IQUB: variants seen among roughly 807,000 people sequenced by gnomAD.
IQUB encodes IQ motif and ubiquitin domain containing.
IQUB carries 86 observed loss-of-function variants against 86.4 expected under a neutral mutation model. That is an observed-to-expected ratio of 1.00 (90% CI 0.84 to 1.19). IQUB has a LOEUF of 1.19. IQUB is among the 50% of genes most tolerant of loss of function. The pLI, the probability that IQUB is intolerant of heterozygous loss-of-function variation, is 0.00. For missense variants in IQUB, 946 were observed against 916.9 expected, an observed-to-expected ratio of 1.03 and a Z score of -0.41; for synonymous variants, 289 against 304.5, an observed-to-expected ratio of 0.95 and a Z score of 0.53.
At chr7:123,483,881 A>C (rs753946800) in intron 7 of IQUB, among the ~76,000 whole-genome samples, 15 of 152,090 alleles carry the variant, frequency 9.9e-5, no homozygotes, top group Non-Finnish European at 1.8e-4. Flanking sequence ...AAGTTTTAGG[A>C]CTAATTCATA....
At position 123,452,902 on chromosome 7, in the gene IQUB, G is replaced by C. The variant is rs577097405; in HGVS notation, c.2217C>G (p.His739Gln). The C allele has an allele frequency of 5.0e-6, 8 of 1,611,690 alleles. No individual in the cohort carries two copies. The East Asian group carries it at 8.9e-5, about 18-fold the overall frequency. Residue 739 changes from histidine to glutamine, a missense_variant, in exon 13 of 13, where the codon CAC (histidine) becomes CAG (glutamine). Physicochemically the swap from His to Gln is conservative, Grantham distance 24 (BLOSUM62 0). Transcript: ENST00000324698. ...IEEGYERSFIHKIKHKHILAK... is the reference protein window; with the variant it reads ...IEEGYERSFIQKIKHKHILAK... ...CCAGGATATGTTTGTGTTTGATCTTGTGAATAAATGAGCGTTCATATCCCT... is the reference window on the plus strand; with the variant it reads ...CCAGGATATGTTTGTGTTTGATCTTCTGAATAAATGAGCGTTCATATCCCT...
intron 1 of IQUB, among the ~76,000 whole-genome samples, chr7:123,519,358 C>T (rs1055436647): frequency 6.6e-6 from 1 of 152,068 alleles, no homozygotes; most frequent in African/African-American, 2.4e-5. Flanking sequence ...ATCTGCACTC[C>T]CATGTTTACT....
intron 7 of IQUB, among the ~76,000 whole-genome samples, chr7:123,493,794 T>C (rs550380874): frequency 6.7e-6 from 1 of 148,590 alleles, no homozygotes; most frequent in Non-Finnish European, 1.5e-5. Flanking sequence ...TATATATACA[T>C]ATACACAAGT....
intron 1 of IQUB, among the ~76,000 whole-genome samples, chr7:123,522,865 C>T (rs1435486912): frequency 2.6e-4 from 33 of 125,192 alleles, no homozygotes; most frequent in African/African-American, 9.8e-4. Context: ...CCCCCCACCC[C>T]ACAACAGTCC....
chr7:123,495,463 T>C (rs1287898902), intron 7 of IQUB, among the ~76,000 whole-genome samples: 2 of 151,710 alleles, frequency 1.3e-5, no homozygotes, highest in Non-Finnish European at 2.9e-5. Context: ...ACAGAACATA[T>C]AACATCCACA....
chr7:123,479,623 A>C (rs1345324465), intron 8 of IQUB, among the ~76,000 whole-genome samples, 172 bp downstream of exon 8: 2 of 152,166 alleles, frequency 1.3e-5, no homozygotes, highest in Non-Finnish European at 2.9e-5. Context: ...GGCTGCTATT[A>C]AAATCTAAAG....
At chr7:123,515,703 C>T (rs1796607762) in intron 1 of IQUB, among the ~76,000 whole-genome samples, 1 of 152,170 alleles carries the variant, frequency 6.6e-6, no homozygotes, top group Non-Finnish European at 1.5e-5. Context: ...TGAGATAGCA[C>T]TACATACCTA....
At chr7:123,477,964 G>C (rs1794822147) in intron 8 of IQUB, among the ~76,000 whole-genome samples, 1 of 152,188 alleles carries the variant, frequency 6.6e-6, no homozygotes, top group Admixed American at 6.5e-5. Flanking sequence ...AGGATGTGGA[G>C]AAATAGGAAC....
At chr7:123,511,369 TATA>T (rs1463325161) in intron 2 of IQUB, among the ~76,000 whole-genome samples, 3 of 152,218 alleles carry the variant, frequency 2.0e-5, no homozygotes, top group Non-Finnish European at 4.4e-5. Flanking sequence ...TTATTAAGAA[TATA>T]ATAATAACTA....
chr7:123,470,678 C>T (rs1034963045), intron 8 of IQUB, among the ~76,000 whole-genome samples: 6 of 151,924 alleles, frequency 3.9e-5, no homozygotes, highest in Admixed American at 2.6e-4. Flanking sequence ...GGTGAAACCC[C>T]GTCTCTACTA....
chr7:123,525,939 C>T (rs1797183431), intron 1 of IQUB, among the ~76,000 whole-genome samples: 1 of 140,632 alleles, frequency 7.1e-6, no homozygotes, highest in Non-Finnish European at 1.5e-5. Context: ...ATCTTTATTT[C>T]TGCCTTCATT....
chr7:123,485,464 A>G (rs1795179579), intron 7 of IQUB, among the ~76,000 whole-genome samples: 1 of 152,280 alleles, frequency 6.6e-6, no homozygotes, highest in Admixed American at 6.5e-5. Context: ...TGGGGGGAAC[A>G]TAAGTCAGCC....
At chr7:123,461,255 A>G (rs953850272) in intron 11 of IQUB, 102 bp downstream of exon 11, 1 of 1,170,688 alleles carries the variant, frequency 8.5e-7, no homozygotes, top group East Asian at 2.4e-5. Context: ...TGGAATAGAG[A>G]GTCATTAAAC....
Position 123,464,948 on chromosome 7 carries a change from A to G in IQUB, c.1643T>C (p.Met548Thr). 1 of 1,604,650 alleles carries G rather than the reference A, an allele frequency of 6.2e-7. No individual in the cohort carries two copies. Among genetic ancestry groups the G allele is most frequent in the Non-Finnish European group, 8.5e-7 (1 of 1,175,310 alleles). ...GTTATGATGTTTGACTCCTCTCATC[A>G]TAAGGTCAACCTCTCTGTCAATCAA... ...LELIDREVDL[M>T]MRGVKHHNLE... The change falls in exon 10 of 13, where the codon ATG becomes ACG. Residue 548 changes from methionine (M) to threonine (T), a missense_variant. Transcript: ENST00000324698.
At chr7:123,467,991 T>TC (rs1794341265) in intron 9 of IQUB, among the ~76,000 whole-genome samples, 1 of 152,242 alleles carries the variant, frequency 6.6e-6, no homozygotes, top group Non-Finnish European at 1.5e-5. Context: ...TTCTTGCTTA[T>TC]AGAGGTAACT....
intron 7 of IQUB, among the ~76,000 whole-genome samples, chr7:123,488,393 T>C (rs906950154): frequency 1.4e-5 from 2 of 145,468 alleles, no homozygotes; most frequent in African/African-American, 2.5e-5. Flanking sequence ...GAAAGTACAG[T>C]AAACCCCTAC....
chr7:123,491,683 T>G (rs1795472536), intron 7 of IQUB, among the ~76,000 whole-genome samples: 1 of 152,156 alleles, frequency 6.6e-6, no homozygotes, highest in South Asian at 2.1e-4. Context: ...AGAATTGAAT[T>G]TATAGTTTAA....
In IQUB at chr7:123,503,181, A is replaced by T. The variant is rs377318427; in HGVS notation, c.694+21T>A. On this transcript the variant is annotated intron_variant, in intron 4 of 12. Transcript: ENST00000324698. ...GAAGGGACTCAAAAATACTTTATCT[A>T]AAAGACATCAAATAACGAACCAGTT... 71 of 1,608,116 alleles carry T rather than the reference A, an allele frequency of 4.4e-5. No homozygotes were observed. In the African/African-American group the frequency reaches 8.4e-4, roughly 19 times the overall value.
At position 123,479,828 on chromosome 7, in the gene IQUB, A is replaced by G. The variant is rs1794912804; in HGVS notation, c.1377T>C (p.Asn459=). 1.2e-6 allele frequency: 2 copies of G among 1,612,318 alleles called. No individual in the cohort carries two copies. Among genetic ancestry groups the G allele is most frequent in the East Asian group, 2.2e-5 (1 of 44,836 alleles). ...AAAAAGCTTGTATTGCTGCTTCCTG[A>G]TTTGCCATATAAGCAATGTATCTAT... ...GRHRYIAYMA[N]QEAAIQAFLD... Residue 459 remains asparagine, a synonymous_variant, in exon 8 of 13, where the codon AAT becomes AAC. Coordinates refer to ENST00000324698, the MANE Select transcript of IQUB (RefSeq NM_178827.5).
Sources: allele counts gnomAD v4.1 joint callset (sites outside exome capture counted in the v4.1 genomes callset), GRCh38; gene constraint gnomAD v4.1.1; transcripts MANE v1.5; gene names NCBI Gene and HGNC (gene_info 2026-07-23, HGNC 2026-07-21).